PCDHA5: variants seen among roughly 807,000 people sequenced by gnomAD.
The protein encoded by PCDHA5 is protocadherin alpha-5.
PCDHA5 carries 43 observed loss-of-function variants against 61.6 expected under a neutral mutation model. The ratio of observed to expected loss-of-function variants is 0.70; its 90% CI spans 0.55 to 0.90. The LOEUF is 0.90. PCDHA5 is among the 40% of genes least tolerant of loss of function. The probability of loss-of-function intolerance (pLI) is 0.00; values close to 1 mark genes in which losing one functional copy is unlikely to be tolerated. For synonymous variants in PCDHA5, 627 were observed against 543.9 expected (o/e 1.15, Z -2.13); for missense variants, 1,298 against 1,222.7 (o/e 1.06, Z -0.92).
intron 1 of PCDHA5, chr5:140,852,674 C>G (rs1302085462): frequency 2.9e-5 from 28 of 966,250 alleles, no homozygotes; most frequent in African/African-American, 3.6e-5. Context: ...GCACAACTCA[C>G]CTTGAATATA....
In PCDHA5 at chr5:140,822,960, G is replaced by A. The variant is rs1268599486; in HGVS notation, c.1185G>A (p.Lys395=). The change falls in exon 1 of 4, where the codon AAG becomes AAA. Residue 395 remains lysine (K), a synonymous_variant. Transcript: ENST00000529859. ...CCCTAATGCCCCACGTTCCCTTCAAGCTGGTGTCCACCTTCAAGAATTACT... is the reference window on the plus strand; with the variant it reads ...CCCTAATGCCCCACGTTCCCTTCAAACTGGTGTCCACCTTCAAGAATTACT... ...TCSLMPHVPF[K]LVSTFKNYYS... is the part of the protein sequence containing the mutation. 9.3e-6 allele frequency: 15 copies of A among 1,614,106 alleles called. No individual in the cohort carries two copies. Among genetic ancestry groups the A allele is most frequent in the Non-Finnish European group, 1.1e-5 (13 of 1,180,050 alleles).
intron 1 of PCDHA5, chr5:140,927,596 G>T: frequency 6.2e-7 from 1 of 1,614,162 alleles, no homozygotes; most frequent in Non-Finnish European, 8.5e-7. Context: ...GTATTTGAGC[G>T]CTCCGTATAC....
intron 1 of PCDHA5, among the ~76,000 whole-genome samples, chr5:140,942,239 T>C (rs1554214876): frequency 6.6e-6 from 1 of 152,156 alleles, no homozygotes; most frequent in African/African-American, 2.4e-5. Context: ...AAATAAGATA[T>C]CCATATCATT....
At chr5:140,852,978 A>T in intron 1 of PCDHA5, 1 of 358,934 alleles carries the variant, frequency 2.8e-6, no homozygotes, top group Non-Finnish European at 4.1e-6. Flanking sequence ...TCCCGTGTTC[A>T]CGCCATTCTC....
intron 1 of PCDHA5, chr5:140,828,394 G>A: frequency 6.2e-7 from 1 of 1,614,292 alleles, no homozygotes; most frequent in East Asian, 2.2e-5. Context: ...GGAGCGCGGA[G>A]TGCAGCATCC....
rs782568724 is a variant in PCDHA5, at chr5:140,927,659, A to C, written c.2353-51290A>C. Reference sequence around the variant, plus strand: ...AATGGGACTGTGTTATTCCGAGTTCAAGCCTTGGATCCAGATGAAGGGTCC... The same window carrying C: ...AATGGGACTGTGTTATTCCGAGTTCCAGCCTTGGATCCAGATGAAGGGTCC... On this transcript the variant is annotated intron_variant, in intron 1 of 3. Coordinates refer to ENST00000529859, the MANE Select transcript of PCDHA5 (RefSeq NM_018908.3). 4 of 1,614,108 alleles carry C rather than the reference A, an allele frequency of 2.5e-6. No homozygotes were observed. In the East Asian group the frequency reaches 6.7e-5, roughly 27 times the overall value.
chr5:140,877,335 G>T, intron 1 of PCDHA5: 2 of 1,613,978 alleles, frequency 1.2e-6, no homozygotes, highest in Non-Finnish European at 1.7e-6. Context: ...CGCACATCCC[G>T]TTCCACGTGG....
At chr5:140,918,097 A>C (rs193088313) in intron 1 of PCDHA5, among the ~76,000 whole-genome samples, 2 of 152,192 alleles carry the variant, frequency 1.3e-5, no homozygotes, top group Non-Finnish European at 2.9e-5. Flanking sequence ...CTTTTTATAG[A>C]GATCTTTCAC....
chr5:140,837,271 C>T (rs1199620898), intron 1 of PCDHA5: 1 of 152,090 alleles, frequency 6.6e-6, no homozygotes, highest in African/African-American at 2.4e-5. Context: ...TTGTGTAGCA[C>T]TGACTTCTTT....
intron 1 of PCDHA5, among the ~76,000 whole-genome samples, chr5:140,898,433 T>G (rs1253149141): frequency 6.6e-5 from 10 of 152,184 alleles, no homozygotes; most frequent in Non-Finnish European, 7.4e-5. Flanking sequence ...CCAGCACCAT[T>G]TATTAAATAG....
intron 1 of PCDHA5, among the ~76,000 whole-genome samples, chr5:140,914,495 A>G (rs1469336186): frequency 2.0e-5 from 3 of 152,164 alleles, no homozygotes; most frequent in Non-Finnish European, 4.4e-5. Context: ...CTTGTGGGCA[A>G]CAGATCATTG....
rs2150131609 is a variant in PCDHA5, at chr5:140,824,022, C to T, written c.2247C>T (p.Tyr749=). ...CCAGCGCGGTGGGGAGCTGGTCGTACTCGCAGCAGAGGAGACAGAGGGTGT... is the reference window on the plus strand; with the variant it reads ...CCAGCGCGGTGGGGAGCTGGTCGTATTCGCAGCAGAGGAGACAGAGGGTGT... ...LCSSAVGSWS[Y]SQQRRQRVCS... is the part of the protein sequence containing the mutation. Residue 749 remains tyrosine, a synonymous_variant, in exon 1 of 4, where the codon TAC becomes TAT. Transcript: ENST00000529859. 6.2e-7 allele frequency: 1 copy of T among 1,614,118 alleles called. No homozygotes were observed. The highest frequency in any genetic ancestry group is 2.2e-5 in the East Asian group (1 of 44,868).
intron 1 of PCDHA5, chr5:140,860,193 A>T (rs1054138940): frequency 6.9e-6 from 1 of 145,758 alleles, no homozygotes; most frequent in Non-Finnish European, 1.5e-5. Context: ...CTCTCCTTAC[A>T]TATATATCTA....
At chr5:140,848,690 G>A in intron 1 of PCDHA5, 8 of 1,592,462 alleles carry the variant, frequency 5.0e-6, no homozygotes, top group Non-Finnish European at 6.9e-6. Flanking sequence ...GCCTGTTCCA[G>A]TTGGATTCCA....
intron 1 of PCDHA5, chr5:140,870,322 G>A (rs1554164069): frequency 6.2e-7 from 1 of 1,614,086 alleles, no homozygotes; most frequent in African/African-American, 1.3e-5. Flanking sequence ...CTACTCGTTG[G>A]TGCTGGACAG....
intron 1 of PCDHA5, chr5:140,875,821 T>C: frequency 6.2e-7 from 1 of 1,614,192 alleles, no homozygotes; most frequent in Non-Finnish European, 8.5e-7. Context: ...GCTGCAGGTT[T>C]TCCATGTGGA....
At chr5:140,857,532 AGCGGCG>A (rs1230491450) in intron 1 of PCDHA5, 2 of 1,597,258 alleles carry the variant, frequency 1.3e-6, no homozygotes, top group African/African-American at 2.7e-5. Flanking sequence ...TCTCTGGTGG[AGCGGCG>A]GTTGGGCGAG....
chr5:140,855,039 TG>T lies in PCDHA5; in HGVS notation c.2352+30913del, dbSNP rs1451069015. ...AAACTTCTTGTATAAAGGATTTTTC[TG>T]TAATAGTACTTTTCTGTTTTCTTAA... On this transcript the variant is annotated intron_variant, in intron 1 of 3. Transcript: ENST00000529859. Among the ~76,000 whole-genome samples, 12 of 150,016 alleles carry T rather than the reference TG, an allele frequency of 8.0e-5. 1 individual carries two copies. Among genetic ancestry groups the T allele is most frequent in the African/African-American group, 2.9e-4 (12 of 40,938 alleles).
chr5:140,966,945 A>G, intron 1 of PCDHA5: 1 of 1,603,804 alleles, frequency 6.2e-7, no homozygotes, highest in Non-Finnish European at 8.5e-7. Flanking sequence ...CTCGTGGGCA[A>G]CGTGGCTCGC....
Sources: gnomAD v4.1 joint callset for allele counts (sites outside exome capture counted in the v4.1 genomes callset) on GRCh38, gnomAD v4.1.1 for gene constraint, MANE v1.5 for transcripts, NCBI Gene and HGNC (gene_info 2026-07-23, HGNC 2026-07-21) for gene names.